UIMC1: variants seen among roughly 807,000 people sequenced by gnomAD.
UIMC1 encodes the protein BRCA1-A complex subunit RAP80.
Under a neutral mutation model 84.9 loss-of-function variants are expected in UIMC1, and 42 were observed. The observed-to-expected ratio is 0.49, with a 90% CI of 0.39 to 0.64. UIMC1 has a LOEUF of 0.64. Ranked by LOEUF, UIMC1 falls within the 30% of genes least tolerant of loss-of-function variation. The pLI, the probability that UIMC1 is intolerant of heterozygous loss-of-function variation, is 0.00. For synonymous variants in UIMC1, 281 were observed against 293.0 expected, an observed-to-expected ratio of 0.96 and a Z score of 0.42; for missense variants, 825 against 847.6, an observed-to-expected ratio of 0.97 and a Z score of 0.33.
intron 6 of UIMC1, among the ~76,000 whole-genome samples, chr5:176,966,289 A>T (rs938922235): frequency 6.6e-6 from 1 of 152,234 alleles, no homozygotes; most frequent in Non-Finnish European, 1.5e-5. Context: ...ATAACTGTCG[A>T]AAGATAGGAA....
At chr5:176,980,087 TG>T (rs1254550066) in intron 2 of UIMC1, 2 of 152,222 alleles carry the variant, frequency 1.3e-5, no homozygotes, top group Admixed American at 1.3e-4. Context: ...CTCCAAGCCT[TG>T]GATTTCAGGC....
At chr5:176,930,448 G>A (rs1007873912) in intron 10 of UIMC1, among the ~76,000 whole-genome samples, 2 of 152,018 alleles carry the variant, frequency 1.3e-5, no homozygotes, top group African/African-American at 4.8e-5. Flanking sequence ...CGTGATCTTG[G>A]GGAAATTATT....
rs1759186080 is a variant in UIMC1 at position 176,905,164 on chromosome 5, G to A, written c.*118C>T. The A allele has an allele frequency of 5.1e-6, 5 of 977,056 alleles. No homozygotes were observed. The highest frequency in any genetic ancestry group is 1.6e-5 in the African/African-American group (1 of 60,876). The allele number at this position is 977,056 out of a possible 1,614,324, so 60.5% of individuals were successfully genotyped here. A position where few individuals can be genotyped will look rare whatever the true frequency, so the allele number is the denominator to read the frequency against. On this transcript the variant is annotated 3_prime_UTR_variant, in exon 15 of 15. Coordinates refer to ENST00000511320, the MANE Select transcript of UIMC1 (RefSeq NM_001199298.2). Reference sequence around the variant, plus strand: ...AAAACCAGAATGCTGGGTAGGTGCTGGTGGTGAAAACTGCAGGGCTAAAAC... The same window carrying A: ...AAAACCAGAATGCTGGGTAGGTGCTAGTGGTGAAAACTGCAGGGCTAAAAC...
chr5:176,907,466 C>T (rs1453088916), intron 12 of UIMC1, among the ~76,000 whole-genome samples: 1 of 152,200 alleles, frequency 6.6e-6, no homozygotes, highest in Non-Finnish European at 1.5e-5. Flanking sequence ...TAAGTAAGTG[C>T]TTACCTATAA....
chr5:177,006,510 G>GACACACTCCC (rs1775292631), intron 1 of UIMC1, 140 bp downstream of exon 1: 1 of 152,282 alleles, frequency 6.6e-6, no homozygotes, highest in African/African-American at 2.4e-5. Flanking sequence ...GCATCAGGAA[G>GACACACTCCC]GGCCGCCCCG....
At position 176,968,886 on chromosome 5, in the gene UIMC1, T is replaced by C. The variant is rs1201861237; in HGVS notation, c.869A>G (p.Asn290Ser). Reference sequence around the variant, plus strand: ...GCAGAGAATGACCTTGGTATACTGGTTAGGGTCTACTCCATCAGGGCAGAA... The same window carrying C: ...GCAGAGAATGACCTTGGTATACTGGCTAGGGTCTACTCCATCAGGGCAGAA... ...IPFCPDGVDP[N>S]QYTKVILCQL... The change falls in exon 6 of 15, where the codon AAC (asparagine) becomes AGC (serine). Residue 290 changes from asparagine (N) to serine (S), a missense_variant. Transcript: ENST00000511320. 6.2e-7 allele frequency: 1 copy of C among 1,613,976 alleles called. No homozygotes were observed. The highest frequency in any genetic ancestry group is 2.2e-5 in the East Asian group (1 of 44,894).
intron 3 of UIMC1, among the ~76,000 whole-genome samples, chr5:176,973,372 T>C (rs1769560267): frequency 6.6e-6 from 1 of 152,030 alleles, no homozygotes; most frequent in Non-Finnish European, 1.5e-5. Flanking sequence ...ATACAAAGCT[T>C]ATCTGTGGTA....
chr5:176,984,104 C>T (rs186741158), intron 1 of UIMC1, among the ~76,000 whole-genome samples: 52 of 127,368 alleles, frequency 4.1e-4, no homozygotes, highest in African/African-American at 1.5e-3. Context: ...AGTGCCTCTG[C>T]CCGGCCGCCC....
At chr5:176,995,521 A>AGT (rs1428591191) in intron 1 of UIMC1, among the ~76,000 whole-genome samples, 1 of 132,354 alleles carries the variant, frequency 7.6e-6, no homozygotes, top group African/African-American at 3.0e-5. Flanking sequence ...TGGGTGACAG[A>AGT]GAAAGACTCT....
At chr5:176,908,430 G>T in intron 12 of UIMC1, 93 bp downstream of exon 12, 1 of 1,248,202 alleles carries the variant, frequency 8.0e-7, no homozygotes. Context: ...AAGAGGGGAG[G>T]GAGAAGAGGG....
At chr5:176,927,535 T>C (rs1762529402) in intron 10 of UIMC1, among the ~76,000 whole-genome samples, 1 of 151,980 alleles carries the variant, frequency 6.6e-6, no homozygotes, top group Admixed American at 6.5e-5. Context: ...ATTACAGGCA[T>C]GAGCCACCAC....
chr5:176,938,511 A>C (rs1380413224), intron 10 of UIMC1, among the ~76,000 whole-genome samples: 1 of 152,172 alleles, frequency 6.6e-6, no homozygotes, highest in Non-Finnish European at 1.5e-5. Context: ...TGTTCCCAGG[A>C]AAGTAGAGGA....
At chr5:176,953,207 T>C (rs1273896926) in intron 8 of UIMC1, among the ~76,000 whole-genome samples, 1 of 152,188 alleles carries the variant, frequency 6.6e-6, no homozygotes, top group Non-Finnish European at 1.5e-5. Flanking sequence ...AATAAATTTA[T>C]GTTGCTTATA....
intron 1 of UIMC1, among the ~76,000 whole-genome samples, chr5:176,996,465 T>C (rs963519234): frequency 5.9e-5 from 9 of 152,170 alleles, no homozygotes; most frequent in African/African-American, 2.2e-4. Context: ...ATCATGACCA[T>C]GTAAGGAGGT....
chr5:176,949,846 G>A (rs1765620742), intron 9 of UIMC1, among the ~76,000 whole-genome samples: 1 of 152,096 alleles, frequency 6.6e-6, no homozygotes, highest in African/African-American at 2.4e-5. Context: ...CCTGAGGTCA[G>A]GAGTTTGAGA....
chr5:176,998,856 T>C (rs893882891), intron 1 of UIMC1, among the ~76,000 whole-genome samples: 4 of 152,104 alleles, frequency 2.6e-5, no homozygotes, highest in Admixed American at 1.3e-4. Context: ...TTCTCCTTTA[T>C]TCAAAATTCC....
chr5:176,916,634 C>G (rs770675649), intron 10 of UIMC1, among the ~76,000 whole-genome samples: 8 of 152,168 alleles, frequency 5.3e-5, no homozygotes, highest in Non-Finnish European at 8.8e-5. Context: ...AGTATCCAGC[C>G]CACAGAAAGC....
intron 6 of UIMC1, among the ~76,000 whole-genome samples, chr5:176,968,174 C>T (rs1051204719): frequency 6.6e-6 from 1 of 152,082 alleles, no homozygotes; most frequent in Non-Finnish European, 1.5e-5. Context: ...GAGTTCAAGA[C>T]CAGCCTAGCC....
chr5:177,010,058 A>G (rs543123395), upstream of UIMC1, among the ~76,000 whole-genome samples: 2 of 152,094 alleles, frequency 1.3e-5, no homozygotes, highest in South Asian at 4.1e-4. Flanking sequence ...AAAAAAAATA[A>G]GCAAACAAGT....
Sources: allele counts gnomAD v4.1 joint callset (sites outside exome capture counted in the v4.1 genomes callset), GRCh38; gene constraint gnomAD v4.1.1; transcripts MANE v1.5; gene names NCBI Gene and HGNC (gene_info 2026-07-23, HGNC 2026-07-21).